DCAF1: variants seen among roughly 807,000 people sequenced by gnomAD.
The protein encoded by DCAF1 is DDB1- and CUL4-associated factor 1.
Under a neutral mutation model 128.0 loss-of-function variants are expected in DCAF1, and 15 were observed. That is an observed-to-expected ratio of 0.12 (90% CI 0.08 to 0.18). The LOEUF is 0.18. Ranked by LOEUF, DCAF1 falls within the 10% of genes least tolerant of loss-of-function variation. The probability of loss-of-function intolerance (pLI) is 1.00; values close to 1 mark genes in which losing one functional copy is unlikely to be tolerated. For missense variants in DCAF1, 988 were observed against 1,649.5 expected (o/e 0.60, Z 6.95); for synonymous variants, 610 against 603.0 (o/e 1.01, Z -0.17).
At chr3:51,498,049 CAAAAAAAAAAAAAAAAA>C (rs56734063) in intron 1 of DCAF1, among the ~76,000 whole-genome samples, 4 of 20,810 alleles carry the variant, frequency 1.9e-4, no homozygotes, top group African/African-American at 6.5e-4. Flanking sequence ...GACTCTGTCT[CAAAAAAAAAAAAAAAAA>C]AAAAAAAAAA....
At chr3:51,466,652 A>C (rs1355220301) in intron 5 of DCAF1, 151 bp downstream of exon 5, 44 of 638,826 alleles carry the variant, frequency 6.9e-5, no homozygotes, top group Middle Eastern at 3.9e-4. Context: ...ACCAAAGAGA[A>C]AGCATTATGG....
chr3:51,481,024 A>G (rs1475951249), intron 3 of DCAF1, among the ~76,000 whole-genome samples: 1 of 152,196 alleles, frequency 6.6e-6, no homozygotes, highest in Non-Finnish European at 1.5e-5. Flanking sequence ...AAGGCTGGGT[A>G]GAGGTGCTCA....
chr3:51,489,856 T>C (rs73078659), intron 2 of DCAF1, among the ~76,000 whole-genome samples: 1 of 66,068 alleles, frequency 1.5e-5, no homozygotes, highest in Non-Finnish European at 6.2e-5. Context: ...GATAGATAGA[T>C]AGATGGTATC....
At chr3:51,479,084 C>G (rs1705838705) in intron 3 of DCAF1, among the ~76,000 whole-genome samples, 1 of 152,150 alleles carries the variant, frequency 6.6e-6, no homozygotes, top group Non-Finnish European at 1.5e-5. Context: ...GAGCACCCCT[C>G]CCCAGCCTTT....
At chr3:51,476,928 C>A (rs1312151066) in intron 3 of DCAF1, among the ~76,000 whole-genome samples, 1 of 151,328 alleles carries the variant, frequency 6.6e-6, no homozygotes, top group Non-Finnish European at 1.5e-5. Flanking sequence ...TTAAAAAAAA[C>A]ACAAAAAATT....
chr3:51,427,362 C>G lies in DCAF1; in HGVS notation c.1847+10G>C. ...ATCAAACTTCATTTGAAATCTCTCT[C>G]TGGTCCCACCTTGCATAATAGGTCT... On this transcript the variant is annotated intron_variant, in intron 13 of 24. Coordinates refer to ENST00000684031, the MANE Select transcript of DCAF1 (RefSeq NM_001387579.1). 1 of 699,500 alleles carries G rather than the reference C, an allele frequency of 1.4e-6. No individual in the cohort carries two copies. Among genetic ancestry groups the G allele is most frequent in the Non-Finnish European group, 2.6e-6 (1 of 378,690 alleles). 43.3% of individuals were successfully genotyped at this position (699,500 alleles called of 1,614,324 possible).
chr3:51,454,618 C>G (rs1424221951), intron 6 of DCAF1, among the ~76,000 whole-genome samples: 2 of 152,138 alleles, frequency 1.3e-5, no homozygotes, highest in African/African-American at 4.8e-5. Context: ...CTGCCTCGGC[C>G]TCCCAAAGTG....
Position 51,427,435 on chromosome 3 carries a change from G to T in DCAF1, c.1784C>A (p.Ser595Tyr), listed in dbSNP as rs1553634390. 1.3e-6 allele frequency: 1 copy of T among 780,076 alleles called. No homozygotes were observed. Among genetic ancestry groups the T allele is most frequent in the Non-Finnish European group, 2.4e-6 (1 of 417,732 alleles). The allele number at this position is 780,076 out of a possible 1,614,324, so 48.3% of individuals were successfully genotyped here. ...AAGCTGCAACAAGAGTTGCACACAA[G>T]AAAGTTTGAGGAAAACTTCAGCTGG... ...WEPAEVFLKL[S>Y]CVQLLLQLIS... The change falls in exon 13 of 25, where the codon TCT becomes TAT. Residue 595 changes from serine to tyrosine, a missense_variant. Transcript: ENST00000684031.
intron 6 of DCAF1, among the ~76,000 whole-genome samples, chr3:51,448,981 A>C (rs527717550): frequency 6.6e-6 from 1 of 152,268 alleles, no homozygotes; most frequent in South Asian, 2.1e-4. Flanking sequence ...AAAAAGATTG[A>C]AATCTCACAA....
At chr3:51,434,401 GTCAGTCAA>G (rs1247825621) in intron 9 of DCAF1, among the ~76,000 whole-genome samples, 7 of 152,164 alleles carry the variant, frequency 4.6e-5, no homozygotes, top group African/African-American at 1.7e-4. Context: ...GTAAGACCCT[GTCAGTCAA>G]TCAGACAATC....
chr3:51,470,924 C>A lies in DCAF1; in HGVS notation c.187+5G>T. The A allele has an allele frequency of 1.3e-6, 2 of 1,585,990 alleles. No homozygotes were observed. Among genetic ancestry groups the A allele is most frequent in the Non-Finnish European group, 1.7e-6 (2 of 1,162,454 alleles). On this transcript the variant is annotated splice_donor_5th_base_variant and intron_variant, in intron 4 of 24. Coordinates refer to ENST00000684031, the MANE Select transcript of DCAF1 (RefSeq NM_001387579.1). ...AAGACCCACACTTAAGAGCACAAAT[C>A]TTACCAGGATGTCGATCATCAAATG... is the stretch of plus-strand genomic sequence containing the variant.
chr3:51,441,281 G>A (rs1701334100), intron 8 of DCAF1, 104 bp downstream of exon 8: 3 of 1,389,526 alleles, frequency 2.2e-6, no homozygotes, highest in Non-Finnish European at 2.9e-6. Context: ...CCTTGTTTGT[G>A]GTAGAGTTAG....
chr3:51,443,465 C>T (rs899707388), intron 7 of DCAF1, among the ~76,000 whole-genome samples: 1 of 151,974 alleles, frequency 6.6e-6, no homozygotes, highest in East Asian at 1.9e-4. Context: ...TAGTGGGAAC[C>T]TGTAACCCCA....
chr3:51,440,220 T>C, intron 9 of DCAF1: 4 of 492,184 alleles, frequency 8.1e-6, no homozygotes, highest in South Asian at 3.0e-5. Flanking sequence ...AATGTTTTGA[T>C]TGTTACTATT....
At chr3:51,444,050 T>C (rs1701611212) in intron 6 of DCAF1, 147 bp from the exon 7 acceptor site, 3 of 631,154 alleles carry the variant, frequency 4.8e-6, no homozygotes, top group Non-Finnish European at 7.6e-6. Context: ...ATCCAATAGG[T>C]TCCTTAGTTA....
In DCAF1 at chr3:51,413,319, G is replaced by T; in HGVS notation, c.3999C>A (p.Ser1333=). The change falls in exon 21 of 25, where the codon TCC becomes TCA. Residue 1333 remains serine, a synonymous_variant. Coordinates refer to ENST00000684031, the MANE Select transcript of DCAF1 (RefSeq NM_001387579.1). ...EERMKSPFGS[S]FRTFNATDYK... ...AGTCAGTTGCATTAAATGTTCGGAA[G>T]GATGACCCAAAGGGGCTTTTCATCC... 6.2e-7 allele frequency: 1 copy of T among 1,613,624 alleles called. No individual in the cohort carries two copies. Among genetic ancestry groups the T allele is most frequent in the Non-Finnish European group, 8.5e-7 (1 of 1,179,754 alleles).
intron 2 of DCAF1, among the ~76,000 whole-genome samples, chr3:51,487,235 G>T (rs964083144): frequency 1.3e-5 from 2 of 152,140 alleles, no homozygotes; most frequent in Non-Finnish European, 2.9e-5. Flanking sequence ...TTCCTAAAGT[G>T]CTGGGATTAC....
chr3:51,437,356 T>C (rs1553637192), intron 9 of DCAF1: 2 of 437,476 alleles, frequency 4.6e-6, no homozygotes, highest in Non-Finnish European at 8.7e-6. Flanking sequence ...GCAAAGGGGC[T>C]GAACATGGGA....
chr3:51,404,273 T>C (rs1553625939), intron 23 of DCAF1, among the ~76,000 whole-genome samples: 1 of 152,230 alleles, frequency 6.6e-6, no homozygotes, highest in East Asian at 1.9e-4. Context: ...TGCTCAAACA[T>C]CAACTGTCAG....
Sources: allele counts gnomAD v4.1 joint callset (sites outside exome capture counted in the v4.1 genomes callset), GRCh38; gene constraint gnomAD v4.1.1; transcripts MANE v1.5; gene names NCBI Gene and HGNC (gene_info 2026-07-23, HGNC 2026-07-21).